Variants in SPTLC2 observed in about 807,000 individuals in gnomAD.
SPTLC2 encodes the protein serine palmitoyltransferase 2.
A neutral mutation model predicts 62.0 loss-of-function variants in SPTLC2; 21 were observed. The observed-to-expected ratio is 0.34, with a 90% confidence interval of 0.24 to 0.49. SPTLC2 has a LOEUF of 0.49. Ranked by LOEUF, SPTLC2 falls within the 20% of genes least tolerant of loss-of-function variation. SPTLC2 has a pLI of 0.99. For missense variants in SPTLC2, 511 were observed against 713.0 expected (o/e 0.72, Z 3.23); for synonymous variants, 261 against 261.8 (o/e 1.00, Z 0.03).
At chr14:77,557,634 T>C (rs1371513526) in intron 6 of SPTLC2, among the ~76,000 whole-genome samples, 1 of 152,240 alleles carries the variant, frequency 6.6e-6, no homozygotes. Flanking sequence ...CTCCATTTCC[T>C]TTCACCCAGG....
rs573531293 is a variant in SPTLC2 at position 77,514,564 on chromosome 14, G to A, written c.1570-2161C>T. Among the ~76,000 whole-genome samples, 275 of 152,310 alleles carry A rather than the reference G, an allele frequency of 1.8e-3. 2 individuals are homozygous for A. Among genetic ancestry groups the A allele is most frequent in the African/African-American group, 5.9e-3 (246 of 41,566 alleles). On this transcript the variant is annotated intron_variant, in intron 11 of 11. Transcript: ENST00000216484. ...GTATTCATTATAGAGCTGAGTAACCGAATCCTCTAGGACAGCCATCCTGCC... is the reference window on the plus strand; with the variant it reads ...GTATTCATTATAGAGCTGAGTAACCAAATCCTCTAGGACAGCCATCCTGCC...
intron 2 of SPTLC2, among the ~76,000 whole-genome samples, chr14:77,586,545 A>G (rs78683094): frequency 0.049 from 7,415 of 152,300 alleles, 607 homozygotes; most frequent in African/African-American, 0.17. Flanking sequence ...TGGTATATCC[A>G]CATAACAGAA....
intron 2 of SPTLC2, among the ~76,000 whole-genome samples, chr14:77,580,717 T>C (rs751281809): frequency 6.6e-6 from 1 of 152,040 alleles, no homozygotes; most frequent in African/African-American, 2.4e-5. Context: ...AGCGAGAACC[T>C]GTCTCAAAAA....
At chr14:77,598,232 G>A (rs2079858910) in intron 1 of SPTLC2, among the ~76,000 whole-genome samples, 1 of 151,924 alleles carries the variant, frequency 6.6e-6, no homozygotes, top group Non-Finnish European at 1.5e-5. Context: ...ATGCCCTTCA[G>A]ATGAACAGTA....
At chr14:77,558,627 T>TG (rs1169374229) in intron 6 of SPTLC2, among the ~76,000 whole-genome samples, 1 of 30,570 alleles carries the variant, frequency 3.3e-5, no homozygotes, top group Non-Finnish European at 9.4e-5. Context: ...AGTTTTTTTG[T>TG]TTTTTTTTTT....
At position 77,555,314 on chromosome 14, in the gene SPTLC2, T is replaced by C. The variant is rs2079576761; in HGVS notation, c.1162A>G (p.Ile388Val). The C allele has an allele frequency of 1.9e-6, 3 of 1,614,070 alleles. No homozygotes were observed. Among genetic ancestry groups the C allele is most frequent in the Non-Finnish European group, 2.5e-6 (3 of 1,180,006 alleles). Residue 388 changes from isoleucine (I) to valine (V), a missense_variant, in exon 8 of 12, where the codon ATT (isoleucine) becomes GTT (valine). Ile to Val is a conservative substitution (Grantham distance 29). Coordinates refer to ENST00000216484, the MANE Select transcript of SPTLC2 (RefSeq NM_004863.4). ...TKSFGASGGY[I>V]GGKKELIDYL... ...GGCTCGTTTACCTTCTTGCCTCCAA[T>C]ATATCCTCCAGAAGCACCAAAACTC... is the stretch of plus-strand genomic sequence containing the variant.
rs57174185 is a variant in SPTLC2, at chr14:77,586,078, C to CTTTT, written c.328-6973_328-6970dup. 2.9e-5 allele frequency among the ~76,000 whole-genome samples: 4 copies of CTTTT among 137,462 alleles called. 1 individual carries two copies. The highest frequency in any genetic ancestry group is 3.1e-5 in the Non-Finnish European group (2 of 64,588). 90.2% of individuals were successfully genotyped at this position (137,462 alleles called of 152,430 possible). A position where few individuals can be genotyped will look rare whatever the true frequency, so the allele number is the denominator to read the frequency against. On this transcript the variant is annotated intron_variant, in intron 2 of 11. Transcript: ENST00000216484. ...GAACGTGATAAATTTTTTCTTTTTTCTTTTTTTTTTTTTTTGAGATGGAGT... is the reference window on the plus strand; with the variant it reads ...GAACGTGATAAATTTTTTCTTTTTTCTTTTTTTTTTTTTTTTTTTGAGATGGAGT...
At chr14:77,590,613 G>A (rs372653426) in intron 2 of SPTLC2, among the ~76,000 whole-genome samples, 8 of 152,318 alleles carry the variant, frequency 5.3e-5, no homozygotes, top group African/African-American at 1.9e-4. Flanking sequence ...TCTGGAGGCT[G>A]AGGCAGGAGA....
Position 77,509,946 on chromosome 14 carries a change from C to T in SPTLC2, c.*2338G>A, listed in dbSNP as rs148034053. On this transcript the variant is annotated 3_prime_UTR_variant, in exon 12 of 12. Coordinates refer to ENST00000216484, the MANE Select transcript of SPTLC2 (RefSeq NM_004863.4). ...GAATTTGCAGTGACTTCATGCAAGC[C>T]AAAATAAAAAGACTAGCAGGTAAGT... The T allele has an allele frequency of 9.5e-4, 378 of 398,340 alleles. 2 individuals are homozygous for T. Among genetic ancestry groups the T allele is most frequent in the African/African-American group, 7.0e-3 (341 of 48,724 alleles). 24.7% of individuals were successfully genotyped at this position (398,340 alleles called of 1,614,324 possible). A position where few individuals can be genotyped will look rare whatever the true frequency, so the allele number is the denominator to read the frequency against.
chr14:77,584,979 G>A (rs111548300), intron 2 of SPTLC2, among the ~76,000 whole-genome samples: 1 of 152,230 alleles, frequency 6.6e-6, no homozygotes, highest in African/African-American at 2.4e-5. Context: ...GTGCTGGGTC[G>A]GCACCAGCGC....
chr14:77,526,821 G>C (rs540719121), intron 9 of SPTLC2, among the ~76,000 whole-genome samples: 1 of 148,600 alleles, frequency 6.7e-6, no homozygotes, highest in South Asian at 2.1e-4. Context: ...TTGAGACAGA[G>C]TCTCACTCTG....
chr14:77,558,168 C>T lies in SPTLC2; in HGVS notation c.851-1022G>A, dbSNP rs147893379. On this transcript the variant is annotated intron_variant, in intron 6 of 11. Transcript: ENST00000216484. ...GTTCAAGCAATTCTCCTGCCTCAGCCTCCCAAGTAGCTCGGATTACCAGCA... is the reference window on the plus strand; with the variant it reads ...GTTCAAGCAATTCTCCTGCCTCAGCTTCCCAAGTAGCTCGGATTACCAGCA... 1.1e-3 allele frequency among the ~76,000 whole-genome samples: 163 copies of T among 152,134 alleles called. 1 individual carries two copies. Among genetic ancestry groups the T allele is most frequent in the African/African-American group, 3.8e-3 (158 of 41,502 alleles).
At chr14:77,541,018 TA>T (rs2079497895) in intron 9 of SPTLC2, among the ~76,000 whole-genome samples, 1 of 90,662 alleles carries the variant, frequency 1.1e-5, no homozygotes, top group African/African-American at 9.8e-5. Flanking sequence ...CAAAACATTT[TA>T]TTTATTTATT....
At chr14:77,592,830 C>G (rs2079825701) in intron 2 of SPTLC2, among the ~76,000 whole-genome samples, 2 of 152,158 alleles carry the variant, frequency 1.3e-5, no homozygotes, top group Admixed American at 1.3e-4. Context: ...TGAGAACAGG[C>G]TAGGCACGGT....
intron 4 of SPTLC2, among the ~76,000 whole-genome samples, chr14:77,571,566 C>G (rs41347855): frequency 6.6e-6 from 1 of 150,820 alleles, no homozygotes; most frequent in African/African-American, 2.4e-5. Context: ...AAATTTGTAC[C>G]GCAATTTTAT....
At chr14:77,560,256 T>C (rs867574910) in intron 6 of SPTLC2, among the ~76,000 whole-genome samples, 3 of 152,030 alleles carry the variant, frequency 2.0e-5, no homozygotes, top group East Asian at 1.9e-4. Flanking sequence ...AGCAAAGACA[T>C]AGGATCAATC....
chr14:77,600,848 A>T (rs2079873325), intron 1 of SPTLC2, among the ~76,000 whole-genome samples: 1 of 152,202 alleles, frequency 6.6e-6, no homozygotes, highest in South Asian at 2.1e-4. Context: ...CACATTACAG[A>T]ACAAGAGAAG....
At chr14:77,517,199 C>T (rs891950827) in intron 11 of SPTLC2, among the ~76,000 whole-genome samples, 16 of 152,086 alleles carry the variant, frequency 1.1e-4, no homozygotes, top group Admixed American at 2.0e-4. Flanking sequence ...GCTGAGATCA[C>T]GCCATTGCAC....
intron 9 of SPTLC2, among the ~76,000 whole-genome samples, chr14:77,550,943 AAC>A (rs2079552512): frequency 6.6e-6 from 1 of 151,958 alleles, no homozygotes; most frequent in Admixed American, 6.6e-5. Flanking sequence ...AAAGAAAGAA[AAC>A]AGTCTTAAAC....
Sources: allele counts gnomAD v4.1 joint callset (sites outside exome capture counted in the v4.1 genomes callset), GRCh38; gene constraint gnomAD v4.1.1; transcripts MANE v1.5; gene names NCBI Gene and HGNC (gene_info 2026-07-23, HGNC 2026-07-21).